The following SLCO3A1 variants were observed in gnomAD, a reference collection of about 807,000 sequenced individuals.
SLCO3A1 encodes the protein PGE1 transporter.
In SLCO3A1, 27 loss-of-function variants were observed where a neutral mutation model predicts 63.1. The ratio of observed to expected loss-of-function variants is 0.43; its 90% confidence interval spans 0.32 to 0.59. The LOEUF is 0.59. SLCO3A1 is among the 20% of genes least tolerant of loss of function. SLCO3A1 has a pLI of 0.09. For missense variants in SLCO3A1, 773 were observed against 945.8 expected, an observed-to-expected ratio of 0.82 and a Z score of 2.40; for synonymous variants, 473 against 409.9, an observed-to-expected ratio of 1.15 and a Z score of -1.86.
intron 5 of SLCO3A1, among the ~76,000 whole-genome samples, chr15:92,124,643 A>C (rs900201578): frequency 1.2e-4 from 17 of 147,088 alleles, no homozygotes; most frequent in African/African-American, 4.0e-4. Flanking sequence ...GTATCCTAGC[A>C]GAGAGAGAGA....
chr15:92,077,189 C>T (rs945428030), intron 2 of SLCO3A1, among the ~76,000 whole-genome samples: 6 of 152,132 alleles, frequency 3.9e-5, no homozygotes, highest in East Asian at 1.9e-4. Context: ...GTCCCTCCCA[C>T]GACCCGTGGG....
intron 2 of SLCO3A1, among the ~76,000 whole-genome samples, chr15:92,069,348 GT>G (rs1261016589): frequency 6.6e-6 from 1 of 152,196 alleles, no homozygotes; most frequent in African/African-American, 2.4e-5. Flanking sequence ...GATAATTTCA[GT>G]GCAGTGTGAT....
chr15:92,097,707 C>A (rs990627483), intron 3 of SLCO3A1, among the ~76,000 whole-genome samples: 2 of 152,186 alleles, frequency 1.3e-5, no homozygotes, highest in African/African-American at 4.8e-5. Flanking sequence ...CAGTCACGGT[C>A]TTTGTTTGCG....
chr15:92,168,449 C>T (rs1183270696), downstream of SLCO3A1, among the ~76,000 whole-genome samples: 1 of 152,212 alleles, frequency 6.6e-6, no homozygotes, highest in Non-Finnish European at 1.5e-5. Flanking sequence ...GTGAGATCAG[C>T]CATAGACAAC....
At chr15:91,945,787 G>GATT (rs1277790409) in intron 2 of SLCO3A1, among the ~76,000 whole-genome samples, 4 of 152,226 alleles carry the variant, frequency 2.6e-5, no homozygotes, top group African/African-American at 9.7e-5. Context: ...CTGGGTGACT[G>GATT]ATTTGGAGGC....
At position 92,047,682 on chromosome 15, in the gene SLCO3A1, G is replaced by A. The variant is rs5020182; in HGVS notation, c.647-47199G>A. 1.6e-3 allele frequency among the ~76,000 whole-genome samples: 205 copies of A among 126,780 alleles called. 3 individuals are homozygous for A. In the Admixed American group the frequency reaches 0.017, roughly 10 times the overall value. 83.2% of individuals were successfully genotyped at this position (126,780 alleles called of 152,430 possible). A position where few individuals can be genotyped will look rare whatever the true frequency, so the allele number is the denominator to read the frequency against. ...TTATACAGTTAACTTGGTGTTTTTG[G>A]CCCCACTGTTTAAAATGGCAAAACC... On this transcript the variant is annotated intron_variant, in intron 2 of 9. Transcript: ENST00000318445.
rs182026643 is a variant in SLCO3A1, at chr15:92,165,685, G to C, written c.*2550G>C. The stretch of plus-strand genomic sequence containing the variant: ...GGATGGCTCTGAATTCTGTTGTGTC[G>C]TCTTTTAAAATTTTAATTATTCTCA... On this transcript the variant is annotated 3_prime_UTR_variant, in exon 10 of 10. Transcript: ENST00000318445. The C allele has an allele frequency of 4.1e-6, 4 of 985,046 alleles. No individual in the cohort carries two copies. The African/African-American group carries it at 5.2e-5, about 13-fold the overall frequency. The allele number at this position is 985,046 out of a possible 1,614,324, so 61.0% of individuals were successfully genotyped here. A position where few individuals can be genotyped will look rare whatever the true frequency, so the allele number is the denominator to read the frequency against.
chr15:91,954,658 C>T lies in SLCO3A1; in HGVS notation c.646+38200C>T, dbSNP rs1236381945. On this transcript the variant is annotated intron_variant, in intron 2 of 9. Transcript: ENST00000318445. The surrounding 1 kb of genome is among the most constrained non-coding windows in gnomAD (Gnocchi z 4.7). The stretch of plus-strand genomic sequence containing the variant: ...AGAGTGTTGCAGGTCCAGGAAGTGG[C>T]CCATATATGATTTTTATCAGGGTGG... Among the ~76,000 whole-genome samples, 1 of 151,868 alleles carries T rather than the reference C, an allele frequency of 6.6e-6. No individual in the cohort carries two copies. The highest frequency in any genetic ancestry group is 2.1e-4 in the South Asian group (1 of 4,808).
chr15:92,146,191 C>T (rs1043791235), intron 7 of SLCO3A1, among the ~76,000 whole-genome samples: 7 of 152,184 alleles, frequency 4.6e-5, no homozygotes, highest in African/African-American at 1.7e-4. Context: ...CGGGCACTGC[C>T]TCTCCCAGCC....
At chr15:91,890,350 C>G (rs1897840523) in intron 1 of SLCO3A1, among the ~76,000 whole-genome samples, 3 of 152,118 alleles carry the variant, frequency 2.0e-5, no homozygotes, top group Non-Finnish European at 2.9e-5. Context: ...GTTGCCTGGT[C>G]CCTAATCATG....
chr15:92,030,010 T>C (rs17644525), intron 2 of SLCO3A1, among the ~76,000 whole-genome samples: 1 of 152,134 alleles, frequency 6.6e-6, no homozygotes, highest in South Asian at 2.1e-4. Context: ...TAATAAAATG[T>C]CCTCGGCTAC....
In SLCO3A1 at chr15:92,165,695, A is replaced by AT; in HGVS notation, c.*2564dup. The AT allele has an allele frequency of 1.0e-6, 1 of 985,278 alleles. No individual in the cohort carries two copies. Among genetic ancestry groups the AT allele is most frequent in the East Asian group, 1.1e-4 (1 of 8,812 alleles). 61.0% of individuals were successfully genotyped at this position (985,278 alleles called of 1,614,324 possible). On this transcript the variant is annotated 3_prime_UTR_variant, in exon 10 of 10. Coordinates refer to ENST00000318445, the MANE Select transcript of SLCO3A1 (RefSeq NM_013272.4). ...GAATTCTGTTGTGTCGTCTTTTAAA[A>AT]TTTTAATTATTCTCATATAGTACCG...
rs1435274281 is a variant in SLCO3A1, at chr15:91,954,628, G to A, written c.646+38170G>A. Among the ~76,000 whole-genome samples, 4 of 150,954 alleles carry A rather than the reference G, an allele frequency of 2.6e-5. No individual in the cohort carries two copies. The highest frequency in any genetic ancestry group is 6.6e-5 in the Admixed American group (1 of 15,240). ...TGGGGAAGAGGAAGTGGAAGTTGGCGGGGAAGAGTGTTGCAGGTCCAGGAA... is the reference window on the plus strand; with the variant it reads ...TGGGGAAGAGGAAGTGGAAGTTGGCAGGGAAGAGTGTTGCAGGTCCAGGAA... On this transcript the variant is annotated intron_variant, in intron 2 of 9. Coordinates refer to ENST00000318445, the MANE Select transcript of SLCO3A1 (RefSeq NM_013272.4). The surrounding 1 kb of genome is among the most constrained non-coding windows in gnomAD (Gnocchi z 4.7).
intron 2 of SLCO3A1, among the ~76,000 whole-genome samples, chr15:91,935,615 C>G (rs1006922843): frequency 6.6e-6 from 1 of 152,130 alleles, no homozygotes; most frequent in Non-Finnish European, 1.5e-5. Flanking sequence ...GCTTTTTCCT[C>G]TCTTCTGAAT....
chr15:92,044,464 CAA>C (rs754353903), intron 2 of SLCO3A1, among the ~76,000 whole-genome samples: 7 of 152,112 alleles, frequency 4.6e-5, no homozygotes, highest in African/African-American at 9.7e-5. Flanking sequence ...GGCAAGCAAA[CAA>C]GAGGCACCTT....
chr15:92,129,628 T>C (rs1442398835), intron 7 of SLCO3A1, among the ~76,000 whole-genome samples: 1 of 152,204 alleles, frequency 6.6e-6, no homozygotes, highest in Non-Finnish European at 1.5e-5. Flanking sequence ...ACTCCATGAA[T>C]GTCTGTGCAA....
intron 2 of SLCO3A1, among the ~76,000 whole-genome samples, chr15:92,061,665 C>T (rs1034584386): frequency 2.6e-5 from 4 of 152,188 alleles, no homozygotes; most frequent in Admixed American, 6.5e-5. Context: ...CACTGGCCAC[C>T]GTGGTGGAGA....
In SLCO3A1 at chr15:91,854,824, A is replaced by G. The variant is rs1263278540; in HGVS notation, c.180+736A>G. On this transcript the variant is annotated intron_variant, in intron 1 of 9. Transcript: ENST00000318445. This position sits in a 1 kb window ranked among gnomAD's most constrained non-coding sequence, Gnocchi z 6.4. Reference sequence around the variant, plus strand: ...AAGGTTGCACCATTTTCCACAATGAATATGTATTTTATTTGCCTCCAGAAA... The same window carrying G: ...AAGGTTGCACCATTTTCCACAATGAGTATGTATTTTATTTGCCTCCAGAAA... Among the ~76,000 whole-genome samples the G allele has an allele frequency of 6.6e-6, 1 of 152,170 alleles. No individual in the cohort carries two copies. The highest frequency in any genetic ancestry group is 2.4e-5 in the African/African-American group (1 of 41,436).
At chr15:91,936,827 G>T (rs893996640) in intron 2 of SLCO3A1, among the ~76,000 whole-genome samples, 24 of 152,118 alleles carry the variant, frequency 1.6e-4, no homozygotes, top group Non-Finnish European at 7.3e-5. Context: ...CATTGCTTTA[G>T]CCCCCAGGAG....
Sources: allele counts gnomAD v4.1 joint callset (sites outside exome capture counted in the v4.1 genomes callset), GRCh38; gene constraint gnomAD v4.1.1; non-coding constraint Gnocchi (gnomAD v3.1); transcripts MANE v1.5; gene names NCBI Gene and HGNC (gene_info 2026-07-23, HGNC 2026-07-21).